Variants in SAMD4B observed in about 807,000 individuals in gnomAD.
SAMD4B encodes sterile alpha motif domain containing 4B.
In SAMD4B, 5 loss-of-function variants were observed where a neutral mutation model predicts 74.5. The observed-to-expected ratio is 0.07, with a 90% confidence interval of 0.04 to 0.14. The LOEUF (loss-of-function observed/expected upper bound fraction) is 0.14. Ranked by LOEUF, SAMD4B falls within the 10% of genes least tolerant of loss-of-function variation. SAMD4B has a pLI of 1.00. For missense variants in SAMD4B, 608 were observed against 921.8 expected (o/e 0.66, Z 4.41); for synonymous variants, 373 against 374.9 (o/e 1.00, Z 0.06).
chr19:39,383,763 G>A lies in SAMD4B; in HGVS notation c.*236G>A. The A allele has an allele frequency of 2.0e-6, 3 of 1,504,458 alleles. No homozygotes were observed. The highest frequency in any genetic ancestry group is 2.4e-5 in the South Asian group (2 of 83,226). 93.2% of individuals were successfully genotyped at this position (1,504,458 alleles called of 1,614,324 possible). ...GGAGTTGGGGGCAGCCAGGATAAAG[G>A]GGGCAGGGACTGGCCAGACTGCCTG... On this transcript the variant is annotated 3_prime_UTR_variant, in exon 14 of 14. Coordinates refer to ENST00000610417, the MANE Select transcript of SAMD4B (RefSeq NM_001384574.2). The surrounding 1 kb of genome is among the most constrained non-coding windows in gnomAD (Gnocchi z 4.1).
chr19:39,343,593 T>G (rs893935263), intron 1 of SAMD4B, among the ~76,000 whole-genome samples: 7 of 144,818 alleles, frequency 4.8e-5, no homozygotes, highest in Non-Finnish European at 4.5e-5. Context: ...CTCACCACCC[T>G]AAAATGCCCT....
chr19:39,342,881 C>G (rs990343731), intron 1 of SAMD4B, among the ~76,000 whole-genome samples: 1 of 151,336 alleles, frequency 6.6e-6, no homozygotes, highest in Non-Finnish European at 1.5e-5. Flanking sequence ...GCACATCCCC[C>G]TCGGAGAGCC....
At chr19:39,354,683 G>A (rs62119688) in intron 2 of SAMD4B, among the ~76,000 whole-genome samples, 1,834 of 152,268 alleles carry the variant, frequency 0.012, 11 homozygotes, top group Non-Finnish European at 0.019. Context: ...TAACTCCTGA[G>A]ATTGGATGGT....
rs747441221 is a variant in SAMD4B, at chr19:39,377,764, G to C, written c.1384G>C (p.Ala462Pro). Reference sequence around the variant, plus strand: ...AGCTCCCACTGATGGCAGTGAGCCTGCCCCGGCTCCCGTCGCCGACGGAGA... The same window carrying C: ...AGCTCCCACTGATGGCAGTGAGCCTCCCCCGGCTCCCGTCGCCGACGGAGA... The part of the protein sequence containing the change: ...APAPTDGSEP[A>P]PAPVADGDIP... The change falls in exon 8 of 14, where the codon GCC (alanine) becomes CCC (proline). Residue 462 changes from alanine to proline, a missense_variant. Coordinates refer to ENST00000610417, the MANE Select transcript of SAMD4B (RefSeq NM_001384574.2). The C allele has an allele frequency of 2.6e-5, 42 of 1,613,664 alleles. No individual in the cohort carries two copies. Among genetic ancestry groups the C allele is most frequent in the Middle Eastern group, 1.6e-4 (1 of 6,080 alleles).
chr19:39,374,948 G>C (rs756533030), intron 4 of SAMD4B, among the ~76,000 whole-genome samples: 1 of 152,182 alleles, frequency 6.6e-6, no homozygotes, highest in African/African-American at 2.4e-5. Flanking sequence ...TGACGGATTG[G>C]GGCAGCAGAG....
intron 3 of SAMD4B, among the ~76,000 whole-genome samples, chr19:39,358,764 C>A (rs1161929479): frequency 6.6e-6 from 1 of 152,176 alleles, no homozygotes; most frequent in Non-Finnish European, 1.5e-5. Flanking sequence ...ACTTAGTCCT[C>A]ACAACAACCC....
downstream of SAMD4B, among the ~76,000 whole-genome samples, chr19:39,388,101 A>C (rs1406612316): frequency 3.3e-5 from 5 of 152,150 alleles, no homozygotes; most frequent in Admixed American, 6.5e-5. Flanking sequence ...AGATCACACC[A>C]CTGCACTCTG....
Position 39,377,551 on chromosome 19 carries a change from A to G in SAMD4B, c.1171A>G (p.Ile391Val), listed in dbSNP as rs1393964179. 7 of 1,609,482 alleles carry G rather than the reference A, an allele frequency of 4.3e-6. No individual in the cohort carries two copies. The highest frequency in any genetic ancestry group is 5.9e-6 in the Non-Finnish European group (7 of 1,176,650). The stretch of plus-strand genomic sequence containing the variant: ...GCTGCAGCAGATCATCATCACTCCC[A>G]TCAAGGCCTACAGTGTCCTCCAGGC... ...QELQQIIITP[I>V]KAYSVLQATV... is the part of the protein sequence containing the mutation. The change falls in exon 8 of 14, where the codon ATC becomes GTC. Residue 391 changes from isoleucine to valine, a missense_variant. Ile to Val is a conservative substitution (Grantham distance 29, BLOSUM62 3). Around this residue, in one of 9 missense-constraint regions of SAMD4B, gnomAD observed 99 missense variants for 112.1 expected, o/e 0.88. Coordinates refer to ENST00000610417, the MANE Select transcript of SAMD4B (RefSeq NM_001384574.2).
chr19:39,380,608 G>A lies in SAMD4B; in HGVS notation c.1671G>A (p.Ser557=), dbSNP rs750425051. 1.2e-5 allele frequency: 20 copies of A among 1,614,136 alleles called. No homozygotes were observed. Among genetic ancestry groups the A allele is most frequent in the Non-Finnish European group, 1.7e-5 (20 of 1,180,002 alleles). ...ATAGCTGGGCATTCGGCTCCAACTC[G>A]CTCCCCATAGCTGGCTCTGTGGGGA... ...QQKGWAFGSN[S]LPIAGSVGMG... is the part of the protein sequence containing the mutation. The change falls in exon 11 of 14, where the codon TCG becomes TCA. Residue 557 remains serine, a synonymous_variant. Coordinates refer to ENST00000610417, the MANE Select transcript of SAMD4B (RefSeq NM_001384574.2).
At chr19:39,369,175 A>T (rs1286911980) in intron 3 of SAMD4B, 1 of 164,196 alleles carries the variant, frequency 6.1e-6, no homozygotes, top group Non-Finnish European at 1.3e-5. Context: ...ACATGACTGT[A>T]GTACCAGCTA....
Position 39,349,976 on chromosome 19 carries a change from T to G in SAMD4B, c.-266-4030T>G, listed in dbSNP as rs961614140. 50 of 152,346 alleles carry G rather than the reference T, an allele frequency of 3.3e-4. 1 individual carries two copies. Among genetic ancestry groups the G allele is most frequent in the African/African-American group, 1.1e-3 (46 of 41,576 alleles). The allele number at this position is 152,346 out of a possible 1,614,324, so 9.4% of individuals were successfully genotyped here. A position where few individuals can be genotyped will look rare whatever the true frequency, so the allele number is the denominator to read the frequency against. ...CCTGGCCTTGAAAATCTCAGCTTGG[T>G]GTACAGTCTTGGGCAAAGTGACTTA... On this transcript the variant is annotated intron_variant, in intron 1 of 13. Transcript: ENST00000610417.
At chr19:39,377,386 C>T in intron 7 of SAMD4B, 99 bp from the exon 8 acceptor site, 3 of 1,059,662 alleles carry the variant, frequency 2.8e-6, no homozygotes, top group South Asian at 1.7e-5. Flanking sequence ...CAGGGTCCTA[C>T]CCAGCCTTCT....
In SAMD4B at chr19:39,374,186, G is replaced by T. The variant is rs146694778; in HGVS notation, c.668-1464G>T. ...CTCGGGAGGCTGAGGCAGGAGAATC[G>T]CTTGAACCCAGGAGGTGGAGGTTGC... On this transcript the variant is annotated intron_variant, in intron 4 of 13. Coordinates refer to ENST00000610417, the MANE Select transcript of SAMD4B (RefSeq NM_001384574.2). Among the ~76,000 whole-genome samples the T allele has an allele frequency of 5.2e-4, 79 of 152,130 alleles. 2 individuals are homozygous for T. The highest frequency in any genetic ancestry group is 1.6e-3 in the African/African-American group (67 of 41,490).
At chr19:39,386,557 G>A (rs1403755108), downstream of SAMD4B, 1 of 1,614,054 alleles carries the variant, frequency 6.2e-7, no homozygotes, top group Non-Finnish European at 8.5e-7. The surrounding 1 kb of genome is among the most constrained non-coding windows in gnomAD (Gnocchi z 6.1). Flanking sequence ...TTTTCTAGCT[G>A]GGCCTTCCGT....
rs2077732502 is a variant in SAMD4B at position 39,378,396 on chromosome 19, TC to T, written c.1445-106del. The stretch of plus-strand genomic sequence containing the variant: ...GCTAGCACTTAATAGTTGATATTCA[TC>T]CAGCCTGAGTCTCCTGTTCCTTCTT... On this transcript the variant is annotated intron_variant, in intron 8 of 13. Coordinates refer to ENST00000610417, the MANE Select transcript of SAMD4B (RefSeq NM_001384574.2). This position sits in a 1 kb window ranked among gnomAD's most constrained non-coding sequence, Gnocchi z 4.4. The T allele has an allele frequency of 1.1e-6, 1 of 903,914 alleles. No individual in the cohort carries two copies. Among genetic ancestry groups the T allele is most frequent in the South Asian group, 1.4e-5 (1 of 69,068 alleles). 56.0% of individuals were successfully genotyped at this position (903,914 alleles called of 1,614,324 possible).
At chr19:39,364,505 C>T (rs1262423855) in intron 3 of SAMD4B, among the ~76,000 whole-genome samples, 1 of 152,264 alleles carries the variant, frequency 6.6e-6, no homozygotes, top group African/African-American at 2.4e-5. Flanking sequence ...AGGAAGCATA[C>T]TGCCCAGGCC....
At chr19:39,389,240 C>T (rs1303706767), downstream of SAMD4B, 1 of 1,606,412 alleles carries the variant, frequency 6.2e-7, no homozygotes, top group Non-Finnish European at 8.5e-7. This position sits in a 1 kb window ranked among gnomAD's most constrained non-coding sequence, Gnocchi z 5.3. Context: ...ACTGGACACA[C>T]CTAATATCTC....
At chr19:39,374,377 G>A (rs1846926265) in intron 4 of SAMD4B, among the ~76,000 whole-genome samples, 1 of 152,196 alleles carries the variant, frequency 6.6e-6, no homozygotes, top group Non-Finnish European at 1.5e-5. Context: ...CAGGCCTCAT[G>A]AGTGGCCAGT....
At position 39,376,443 on chromosome 19, in the gene SAMD4B, C is replaced by T; in HGVS notation, c.914C>T (p.Pro305Leu). 1 of 1,611,578 alleles carries T rather than the reference C, an allele frequency of 6.2e-7. No homozygotes were observed. The highest frequency in any genetic ancestry group is 8.5e-7 in the Non-Finnish European group (1 of 1,179,652). ...TCTCCCTCCTTTGCCAAAGATGTGC[C>T]CTCATGGCTCAAGAGCCTCCGTTTG... The part of the protein sequence containing the change: ...QEDGSGMKDV[P>L]SWLKSLRLHK... The change falls in exon 6 of 14, where the codon CCC becomes CTC. Residue 305 changes from proline (P) to leucine (L), a missense_variant. This residue lies in a region of SAMD4B where 39 missense variants were observed against 125.3 expected (regional missense o/e 0.31). Transcript: ENST00000610417.
Sources: gnomAD v4.1 joint callset for allele counts (sites outside exome capture counted in the v4.1 genomes callset) on GRCh38, gnomAD v4.1.1 for gene constraint, gnomAD v4.1.1 regional missense constraint, Gnocchi (gnomAD v3.1) non-coding constraint, MANE v1.5 for transcripts, NCBI Gene and HGNC (gene_info 2026-07-23, HGNC 2026-07-21) for gene names.